Variants in ZNF536 observed in about 807,000 individuals in gnomAD.
ZNF536 encodes zinc finger protein 536.
ZNF536 carries 13 observed loss-of-function variants against 84.5 expected under a neutral mutation model. That is an observed-to-expected ratio of 0.15 (90% CI 0.10 to 0.24). ZNF536 has a LOEUF of 0.24. Among genes scored for constraint, ZNF536 ranks in the 10% least tolerant of loss-of-function variants. ZNF536 has a pLI of 1.00. For missense variants in ZNF536, 1,536 were observed against 1,747.5 expected (o/e 0.88, Z 2.16); for synonymous variants, 811 against 742.5 (o/e 1.09, Z -1.50).
chr19:30,517,786 A>G (rs1395055990), intron 2 of ZNF536, among the ~76,000 whole-genome samples: 2 of 152,122 alleles, frequency 1.3e-5, no homozygotes, highest in Admixed American at 1.3e-4. Context: ...TGTCTCAAAA[A>G]AATAATAAAT....
At chr19:30,408,808 T>A (rs1362974349) in intron 1 of ZNF536, among the ~76,000 whole-genome samples, 1 of 151,018 alleles carries the variant, frequency 6.6e-6, no homozygotes, top group African/African-American at 2.4e-5. Flanking sequence ...CATCTATTCA[T>A]CCATCCATTA....
chr19:30,225,889 G>T (rs555441073), upstream of ZNF536, among the ~76,000 whole-genome samples: 1 of 148,146 alleles, frequency 6.8e-6, no homozygotes, highest in East Asian at 2.1e-4. Flanking sequence ...AAAAAATACG[G>T]TCTAATTAAA....
intron 1 of ZNF536, among the ~76,000 whole-genome samples, chr19:30,667,954 G>A (rs2050397743): frequency 6.6e-6 from 1 of 152,034 alleles, no homozygotes; most frequent in Non-Finnish European, 1.5e-5. Flanking sequence ...CTTGTCTAAG[G>A]TCACACAGCT....
chr19:30,703,329 C>T lies in ZNF536; in HGVS notation c.170-7428C>T, dbSNP rs560354986. On this transcript the variant is annotated intron_variant, in intron 1 of 1. Coordinates refer to the ZNF536 transcript ENST00000592773. ...CTCAGATTCCTCCTGGCAGGTGTTA[C>T]GGGAGCTCCCCATCACTTGTACAAT... 1.4e-4 allele frequency among the ~76,000 whole-genome samples: 21 copies of T among 152,220 alleles called. No individual in the cohort carries two copies. In the South Asian group the frequency reaches 2.3e-3, roughly 17 times the overall value.
chr19:30,382,362 G>T (rs750796627), intron 1 of ZNF536, among the ~76,000 whole-genome samples: 45 of 152,118 alleles, frequency 3.0e-4, no homozygotes, highest in Non-Finnish European at 4.6e-4. Flanking sequence ...AGTGCCTCCC[G>T]TGCTTTTTCT....
At chr19:30,656,620 C>T (rs2049925679) in intron 1 of ZNF536, among the ~76,000 whole-genome samples, 1 of 152,238 alleles carries the variant, frequency 6.6e-6, no homozygotes. Flanking sequence ...CCCTTCTCGG[C>T]AGGGACGCAA....
chr19:30,252,983 ATGATGG>A (rs775677574), intron 1 of ZNF536, among the ~76,000 whole-genome samples: 20 of 152,334 alleles, frequency 1.3e-4, no homozygotes, highest in Admixed American at 7.2e-4. Context: ...AATGCTGATG[ATGATGG>A]TGATGGTGAT....
intron 1 of ZNF536, among the ~76,000 whole-genome samples, chr19:30,710,337 C>G (rs1237699817): frequency 6.6e-6 from 1 of 152,144 alleles, no homozygotes; most frequent in Non-Finnish European, 1.5e-5. Context: ...GAGGCAGGAG[C>G]TCGAGACCAG....
chr19:30,405,065 C>A (rs535138712), intron 1 of ZNF536, among the ~76,000 whole-genome samples: 2 of 152,302 alleles, frequency 1.3e-5, no homozygotes, highest in East Asian at 3.9e-4. Flanking sequence ...TGGGGAGCTT[C>A]CACGCCTTCC....
intron 4 of ZNF536, among the ~76,000 whole-genome samples, chr19:30,550,146 T>C (rs11671893): frequency 0.1 from 15,691 of 152,308 alleles, 1,113 homozygotes; most frequent in Non-Finnish European, 0.15. Context: ...TGTTCACCTG[T>C]CTGTCTGTTG....
chr19:30,268,216 T>G (rs1177848945), intron 1 of ZNF536, among the ~76,000 whole-genome samples: 1 of 152,088 alleles, frequency 6.6e-6, no homozygotes, highest in African/African-American at 2.4e-5. Flanking sequence ...ATTTCACTCA[T>G]CAGGACCCAC....
intron 1 of ZNF536, among the ~76,000 whole-genome samples, chr19:30,661,192 C>T (rs1048937633): frequency 1.3e-5 from 2 of 152,204 alleles, no homozygotes; most frequent in Non-Finnish European, 2.9e-5. Flanking sequence ...ATCTTTTCTG[C>T]TCTGCTTTGC....
intron 1 of ZNF536, among the ~76,000 whole-genome samples, chr19:30,392,395 T>C (rs1397380268): frequency 1.3e-5 from 2 of 152,160 alleles, no homozygotes; most frequent in Non-Finnish European, 2.9e-5. Context: ...ATGAAGTTCA[T>C]GCCCATGTGG....
At chr19:30,521,292 C>CT (rs1413054184) in intron 2 of ZNF536, among the ~76,000 whole-genome samples, 1 of 152,186 alleles carries the variant, frequency 6.6e-6, no homozygotes, top group Non-Finnish European at 1.5e-5. Flanking sequence ...TGTCTGGGGG[C>CT]TGTGGGGACA....
intron 2 of ZNF536, among the ~76,000 whole-genome samples, chr19:30,462,058 G>A (rs1033996450): frequency 6.6e-6 from 1 of 152,226 alleles, no homozygotes; most frequent in African/African-American, 2.4e-5. Flanking sequence ...AGGGCTAGAT[G>A]ATTGTCTGGG....
intron 1 of ZNF536, among the ~76,000 whole-genome samples, chr19:30,598,987 T>TCCTTCCTC (rs1568589397): frequency 2.0e-4 from 5 of 25,108 alleles, no homozygotes; most frequent in African/African-American, 4.9e-4. Context: ...CTCCCTCCCT[T>TCCTTCCTC]CCTTCCTCCC....
chr19:30,443,043 GTTTTTTT>G (rs199802157), intron 1 of ZNF536, among the ~76,000 whole-genome samples: 1 of 135,514 alleles, frequency 7.4e-6, no homozygotes. Context: ...TTTTTTGTTT[GTTTTTTT>G]TTTTTTTTTG....
chr19:30,299,321 T>C (rs2145908639), intron 2 of ZNF536, among the ~76,000 whole-genome samples: 1 of 152,384 alleles, frequency 6.6e-6, no homozygotes. Flanking sequence ...GGGGCCTTTA[T>C]GAATCTTGCA....
At chr19:30,246,873 T>C (rs1374932837) in intron 1 of ZNF536, among the ~76,000 whole-genome samples, 5 of 152,240 alleles carry the variant, frequency 3.3e-5, no homozygotes, top group African/African-American at 1.2e-4. Context: ...CCAGGGATAT[T>C]TGAAGACACT....
Sources: gnomAD v4.1 joint callset for allele counts (sites outside exome capture counted in the v4.1 genomes callset) on GRCh38, gnomAD v4.1.1 for gene constraint, MANE v1.5 for transcripts, NCBI Gene and HGNC (gene_info 2026-07-23, HGNC 2026-07-21) for gene names.